Variants in BICD1 observed in about 807,000 individuals in gnomAD.
The protein encoded by BICD1 is protein bicaudal D homolog 1.
BICD1 carries 35 observed loss-of-function variants against 92.5 expected under a neutral mutation model. The observed-to-expected ratio is 0.38, with a 90% CI of 0.29 to 0.50. The LOEUF (loss-of-function observed/expected upper bound fraction) is 0.50. Ranked by LOEUF, BICD1 falls within the 20% of genes least tolerant of loss-of-function variation. BICD1 has a pLI of 0.93. For synonymous variants in BICD1, 429 were observed against 465.1 expected (o/e 0.92, Z 1.00); for missense variants, 950 against 1,189.8 (o/e 0.80, Z 2.97).
At chr12:32,263,421 C>T (rs1404786667) in intron 2 of BICD1, among the ~76,000 whole-genome samples, 1 of 151,534 alleles carries the variant, frequency 6.6e-6, no homozygotes, top group African/African-American at 2.4e-5. Flanking sequence ...GTGGTGGGCA[C>T]CTGTAATCCC....
chr12:32,255,066 A>T (rs1184932307), intron 2 of BICD1, among the ~76,000 whole-genome samples: 1 of 152,070 alleles, frequency 6.6e-6, no homozygotes, highest in Non-Finnish European at 1.5e-5. Context: ...GAGGTCTAAG[A>T]TCGAGGTGTC....
At chr12:32,225,621 G>GTTTTTGTTTTTTC (rs1411722126) in intron 2 of BICD1, among the ~76,000 whole-genome samples, 1 of 92,776 alleles carries the variant, frequency 1.1e-5, no homozygotes, top group Non-Finnish European at 2.1e-5. Context: ...CTTTTTTTCT[G>GTTTTTGTTTTTTC]TTTTTTTTTT....
At chr12:32,167,757 A>G (rs750738687) in intron 1 of BICD1, among the ~76,000 whole-genome samples, 16 of 152,106 alleles carry the variant, frequency 1.1e-4, no homozygotes, top group Non-Finnish European at 1.8e-4. Context: ...CGCCTGGCCT[A>G]TCATTCTTAT....
chr12:32,252,223 A>G (rs59147786), intron 2 of BICD1, among the ~76,000 whole-genome samples: 1 of 136,332 alleles, frequency 7.3e-6, no homozygotes, highest in Non-Finnish European at 1.5e-5. Flanking sequence ...TATCTTGTAT[A>G]TATTATATAT....
intron 9 of BICD1, among the ~76,000 whole-genome samples, chr12:32,376,883 G>A (rs1182137829): frequency 7.0e-6 from 1 of 143,480 alleles, no homozygotes; most frequent in Non-Finnish European, 1.5e-5. Context: ...AAAAGGGGGG[G>A]GGGGGTGAAA....
At chr12:32,238,489 T>C (rs188885767) in intron 2 of BICD1, among the ~76,000 whole-genome samples, 2 of 152,196 alleles carry the variant, frequency 1.3e-5, no homozygotes, top group African/African-American at 2.4e-5. Context: ...GAATATCCCA[T>C]AAACTTAGCT....
At chr12:32,144,979 A>C (rs1312022255) in intron 1 of BICD1, among the ~76,000 whole-genome samples, 2 of 152,186 alleles carry the variant, frequency 1.3e-5, no homozygotes, top group African/African-American at 4.8e-5. Flanking sequence ...CTTATCTAGG[A>C]AGGAGTTGGT....
intron 1 of BICD1, among the ~76,000 whole-genome samples, chr12:32,204,861 T>C (rs1036562161): frequency 6.6e-6 from 1 of 152,178 alleles, no homozygotes; most frequent in Non-Finnish European, 1.5e-5. Context: ...AATTACTAGC[T>C]CAAGACACTT....
At chr12:32,164,441 A>C (rs1294751818) in intron 1 of BICD1, among the ~76,000 whole-genome samples, 5 of 152,252 alleles carry the variant, frequency 3.3e-5, no homozygotes, top group Non-Finnish European at 7.3e-5. Context: ...GAAAGACTAA[A>C]GAAAGTTTAC....
intron 2 of BICD1, among the ~76,000 whole-genome samples, chr12:32,222,535 C>A (rs1420862134): frequency 1.3e-5 from 2 of 152,188 alleles, no homozygotes; most frequent in Non-Finnish European, 1.5e-5. Context: ...ATGTGCCATT[C>A]TTTGCCATGT....
chr12:32,175,345 T>G (rs1944060229), intron 1 of BICD1, among the ~76,000 whole-genome samples: 1 of 152,088 alleles, frequency 6.6e-6, no homozygotes, highest in African/African-American at 2.4e-5. Flanking sequence ...GAAATGGGGT[T>G]TTGCTCTGTC....
intron 4 of BICD1, among the ~76,000 whole-genome samples, chr12:32,316,169 G>T (rs954358457): frequency 4.0e-5 from 6 of 151,578 alleles, no homozygotes; most frequent in African/African-American, 1.5e-4. Context: ...TGAGTTAGAT[G>T]ATTTTTGCCC....
intron 1 of BICD1, among the ~76,000 whole-genome samples, chr12:32,150,466 T>G (rs4931615): frequency 0.82 from 125,101 of 152,048 alleles, 51,553 homozygotes; most frequent in Admixed American, 0.89. Context: ...CAATCAATTT[T>G]AGAGAGACAA....
At chr12:32,117,907 T>G (rs1941996696) in intron 1 of BICD1, among the ~76,000 whole-genome samples, 1 of 149,970 alleles carries the variant, frequency 6.7e-6, no homozygotes. Context: ...TGCACCACCA[T>G]GCCCAGCTAA....
intron 3 of BICD1, among the ~76,000 whole-genome samples, chr12:32,299,014 T>G (rs1424231188): frequency 6.6e-6 from 1 of 152,166 alleles, no homozygotes; most frequent in Non-Finnish European, 1.5e-5. Context: ...AAAGATACAG[T>G]CACTGGCTCA....
At chr12:32,346,548 A>ATATATATATACGTG (rs1555171222) in intron 8 of BICD1, among the ~76,000 whole-genome samples, 2 of 26,132 alleles carry the variant, frequency 7.7e-5, no homozygotes, top group Admixed American at 5.4e-4. Flanking sequence ...ATATATATAT[A>ATATATATATACGTG]TATATATATA....
chr12:32,373,909 G>A (rs1003456858), intron 9 of BICD1, among the ~76,000 whole-genome samples: 2 of 150,906 alleles, frequency 1.3e-5, no homozygotes, highest in African/African-American at 4.9e-5. Flanking sequence ...ATTACACAAG[G>A]TCTTCAAAAA....
intron 1 of BICD1, among the ~76,000 whole-genome samples, chr12:32,160,835 CCT>C (rs776116928): frequency 6.6e-6 from 1 of 151,814 alleles, no homozygotes; most frequent in Non-Finnish European, 1.5e-5. Flanking sequence ...TGTTTTTTCC[CCT>C]CTTATTAAAA....
chr12:32,374,568 C>A (rs954451910), intron 9 of BICD1, among the ~76,000 whole-genome samples: 24 of 124,894 alleles, frequency 1.9e-4, no homozygotes, highest in African/African-American at 7.2e-4. Flanking sequence ...TTTCTTTCTT[C>A]TTTTTTTTTT....
Sources: allele counts gnomAD v4.1 joint callset (sites outside exome capture counted in the v4.1 genomes callset), GRCh38; gene constraint gnomAD v4.1.1; transcripts MANE v1.5; gene names NCBI Gene and HGNC (gene_info 2026-07-23, HGNC 2026-07-21).